SPATA17: variants seen among roughly 807,000 people sequenced by gnomAD.
The protein encoded by SPATA17 is spermatogenesis associated 17.
In SPATA17, 53 loss-of-function variants were observed where a neutral mutation model predicts 62.2. The ratio of observed to expected loss-of-function variants is 0.85; its 90% CI spans 0.68 to 1.07. The LOEUF (loss-of-function observed/expected upper bound fraction) is 1.07, where lower values mean the gene tolerates loss of function less well. Among genes scored for constraint, SPATA17 ranks in the 50% least tolerant of loss-of-function variants. SPATA17 has a pLI of 0.00. For synonymous variants in SPATA17, 146 were observed against 146.8 expected (o/e 0.99, Z 0.04); for missense variants, 466 against 425.5 (o/e 1.10, Z -0.84).
At chr1:217,711,519 C>T (rs2102926795) in intron 5 of SPATA17, among the ~76,000 whole-genome samples, 1 of 152,184 alleles carries the variant, frequency 6.6e-6, no homozygotes, top group African/African-American at 2.4e-5. Context: ...GCTATGTGAC[C>T]TTGAACTAGT....
rs1553251071 is a variant in SPATA17, at chr1:217,770,978, A to AATTTTTTTTTTTTTTTTTTTTTT, written c.520-3356_520-3355insATTTTTTTTTTTTTTTTTTTTTT. On this transcript the variant is annotated intron_variant, in intron 6 of 10. Coordinates refer to ENST00000366933, the MANE Select transcript of SPATA17 (RefSeq NM_138796.4). ...ATGTATCTATTATATAACTCATTGC[A>AATTTTTTTTTTTTTTTTTTTTTT]TTTTTTTTTTTTTTTTTTTTTTTTT... Among the ~76,000 whole-genome samples, 36 of 50,170 alleles carry AATTTTTTTTTTTTTTTTTTTTTT rather than the reference A, an allele frequency of 7.2e-4. 5 individuals carry two copies. The highest frequency in any genetic ancestry group is 9.9e-4 in the Non-Finnish European group (30 of 30,438). 32.9% of individuals were successfully genotyped at this position (50,170 alleles called of 152,430 possible).
chr1:217,705,337 C>G (rs1671708264), intron 5 of SPATA17, among the ~76,000 whole-genome samples: 1 of 138,356 alleles, frequency 7.2e-6, no homozygotes, highest in South Asian at 2.2e-4. Context: ...CAAATATTTC[C>G]TCCTATTCTG....
intron 6 of SPATA17, among the ~76,000 whole-genome samples, chr1:217,755,158 TA>T (rs1673010535): frequency 6.6e-6 from 1 of 152,230 alleles, no homozygotes; most frequent in East Asian, 1.9e-4. Context: ...ATTTTTTATT[TA>T]AAAAATATAA....
intron 5 of SPATA17, among the ~76,000 whole-genome samples, chr1:217,733,899 A>G (rs1043246101): frequency 6.6e-6 from 1 of 152,206 alleles, no homozygotes; most frequent in African/African-American, 2.4e-5. Context: ...GTGCTACAGA[A>G]TATTTCATTT....
At chr1:217,844,146 G>A (rs1200053361) in intron 9 of SPATA17, among the ~76,000 whole-genome samples, 1 of 152,062 alleles carries the variant, frequency 6.6e-6, no homozygotes, top group Non-Finnish European at 1.5e-5. Flanking sequence ...CACAGCAAAA[G>A]CAATAGCCTC....
intron 8 of SPATA17, among the ~76,000 whole-genome samples, chr1:217,794,359 A>C (rs1221400522): frequency 6.6e-6 from 1 of 152,122 alleles, no homozygotes; most frequent in African/African-American, 2.4e-5. Context: ...CAATTTATTA[A>C]GAATAACTAA....
intron 1 of SPATA17, among the ~76,000 whole-genome samples, chr1:217,645,522 AC>A (rs1458244906): frequency 1.3e-5 from 2 of 152,180 alleles, no homozygotes; most frequent in Non-Finnish European, 2.9e-5. Context: ...ATTTAAATGG[AC>A]TATATTAAGA....
intron 5 of SPATA17, among the ~76,000 whole-genome samples, chr1:217,741,238 A>T (rs892308875): frequency 6.6e-6 from 1 of 152,270 alleles, no homozygotes; most frequent in South Asian, 2.1e-4. Context: ...TCCATATTTG[A>T]TATCATAATC....
intron 5 of SPATA17, among the ~76,000 whole-genome samples, chr1:217,697,054 G>T (rs1671475775): frequency 6.6e-6 from 1 of 152,156 alleles, no homozygotes; most frequent in African/African-American, 2.4e-5. Context: ...TGTCACCCAG[G>T]CTGGAGTGCA....
chr1:217,780,033 T>C (rs867557196), intron 7 of SPATA17, among the ~76,000 whole-genome samples: 7 of 152,108 alleles, frequency 4.6e-5, no homozygotes, highest in African/African-American at 1.7e-4. Context: ...ATGATCTAGG[T>C]ATTCTAGGGA....
chr1:217,691,625 T>A (rs1446791295), intron 5 of SPATA17, among the ~76,000 whole-genome samples: 1 of 14,614 alleles, frequency 6.8e-5, no homozygotes, highest in Non-Finnish European at 1.2e-4. Flanking sequence ...TGGTTTTAGG[T>A]CTAACGTTTA....
In SPATA17 at chr1:217,871,191, G is replaced by A. The variant is rs750032200; in HGVS notation, c.*4172G>A. The A allele has an allele frequency of 1.3e-5, 2 of 152,120 alleles. No individual in the cohort carries two copies. Among genetic ancestry groups the A allele is most frequent in the Middle Eastern group, 3.4e-3 (1 of 294 alleles). The allele number at this position is 152,120 out of a possible 1,614,324, so 9.4% of individuals were successfully genotyped here. On this transcript the variant is annotated 3_prime_UTR_variant, in exon 11 of 11. Coordinates refer to ENST00000366933, the MANE Select transcript of SPATA17 (RefSeq NM_138796.4). ...ATAATCTTTCATATCTGTAAACTTT[G>A]GTATAATTGGTTATTTATGCAATGT...
intron 5 of SPATA17, among the ~76,000 whole-genome samples, chr1:217,703,345 TGTTTTTA>T (rs1671648168): frequency 6.6e-6 from 1 of 151,870 alleles, no homozygotes; most frequent in South Asian, 2.1e-4. Flanking sequence ...CTAGCTTTTG[TGTTTTTA>T]GTAGAGACGG....
At chr1:217,795,770 GTTGT>G (rs1393779812) in intron 8 of SPATA17, among the ~76,000 whole-genome samples, 3 of 152,014 alleles carry the variant, frequency 2.0e-5, no homozygotes, top group Admixed American at 2.0e-4. Flanking sequence ...TCTGGATATA[GTTGT>G]TTGTATTTCT....
At chr1:217,812,736 A>G (rs968770679) in intron 9 of SPATA17, among the ~76,000 whole-genome samples, 3 of 152,244 alleles carry the variant, frequency 2.0e-5, no homozygotes, top group Non-Finnish European at 4.4e-5. Flanking sequence ...TAAAAAATTC[A>G]GTGTACTAAA....
intron 9 of SPATA17, among the ~76,000 whole-genome samples, chr1:217,830,480 C>T (rs952809839): frequency 3.3e-5 from 5 of 152,064 alleles, no homozygotes; most frequent in African/African-American, 1.2e-4. Context: ...TCCTGGGCTT[C>T]CTGCTTAAAA....
chr1:217,656,038 C>A (rs181655646), intron 3 of SPATA17, among the ~76,000 whole-genome samples: 8 of 152,142 alleles, frequency 5.3e-5, no homozygotes, highest in African/African-American at 1.2e-4. Flanking sequence ...CCCCACCCCC[C>A]ACGCCCGGCT....
intron 6 of SPATA17, among the ~76,000 whole-genome samples, chr1:217,768,496 T>C (rs1460688847): frequency 7.3e-6 from 1 of 137,434 alleles, no homozygotes; most frequent in Non-Finnish European, 1.6e-5. Context: ...TCTACCCATC[T>C]TTTTTTTTTT....
At chr1:217,658,682 C>T (rs1302067415) in intron 3 of SPATA17, among the ~76,000 whole-genome samples, 1 of 151,910 alleles carries the variant, frequency 6.6e-6, no homozygotes, top group African/African-American at 2.4e-5. Context: ...GGCGTGAACC[C>T]GGGAGGTGGA....
Sources: allele counts gnomAD v4.1 joint callset (sites outside exome capture counted in the v4.1 genomes callset), GRCh38; gene constraint gnomAD v4.1.1; transcripts MANE v1.5; gene names NCBI Gene and HGNC (gene_info 2026-07-23, HGNC 2026-07-21).